The following CD36 variants were observed in gnomAD, a reference collection of about 807,000 sequenced individuals.
The protein encoded by CD36 is CD36 molecule (CD36 blood group), also known as platelet glycoprotein 4.
CD36 carries 119 observed loss-of-function variants against 55.2 expected under a neutral mutation model. The observed-to-expected ratio is 2.15, with a 90% confidence interval of 1.86 to 2.51. The LOEUF (loss-of-function observed/expected upper bound fraction) is 2.51, where lower values mean the gene tolerates loss of function less well. CD36 is among the 30% of genes most tolerant of loss of function. CD36 has a pLI of 0.00. For synonymous variants in CD36, 186 were observed against 193.6 expected, an observed-to-expected ratio of 0.96 and a Z score of 0.33; for missense variants, 819 against 555.5, an observed-to-expected ratio of 1.47 and a Z score of -4.77.
In CD36 at chr7:80,662,980, G is replaced by A; in HGVS notation, c.430-10G>A. ...TATTCTTGTCTTAAACAGTGACTTT[G>A]TTTTTGTAGGCTGCATCCCATATCT... On this transcript the variant is annotated splice_polypyrimidine_tract_variant and intron_variant, in intron 5 of 14. Transcript: ENST00000447544. 1 of 1,604,226 alleles carries A rather than the reference G, an allele frequency of 6.2e-7. No homozygotes were observed. Among genetic ancestry groups the A allele is most frequent in the South Asian group, 1.1e-5 (1 of 90,762 alleles).
chr7:80,638,421 A>C (rs180875189), upstream of CD36: 1 of 151,270 alleles, frequency 6.6e-6, no homozygotes, highest in South Asian at 2.1e-4. Flanking sequence ...AAAATGCTGA[A>C]TATCTCAGAT....
intron 1 of CD36, among the ~76,000 whole-genome samples, chr7:80,606,981 T>C (rs1161862793): frequency 6.6e-6 from 1 of 152,156 alleles, no homozygotes. Context: ...AGCTCTGTTA[T>C]AATCATTCAA....
At chr7:80,646,970 C>A (rs9282633) in intron 3 of CD36, 110 bp downstream of exon 3, 2 of 1,224,384 alleles carry the variant, frequency 1.6e-6, no homozygotes, top group African/African-American at 1.5e-5. Flanking sequence ...AATTTTGTAT[C>A]TTTGACATAA....
chr7:80,644,210 C>T (rs906697282), intron 1 of CD36, among the ~76,000 whole-genome samples: 10 of 152,092 alleles, frequency 6.6e-5, no homozygotes, highest in Admixed American at 3.9e-4. Flanking sequence ...GCATGGTATA[C>T]GATTTCCAAG....
chr7:80,604,517 T>C (rs1171093035), intron 1 of CD36, among the ~76,000 whole-genome samples: 2 of 151,654 alleles, frequency 1.3e-5, no homozygotes, highest in African/African-American at 4.8e-5. Context: ...GATACGTGCT[T>C]GTTGGTACCC....
chr7:80,646,753 C>A lies in CD36; in HGVS notation c.13C>A (p.Arg5=). The A allele has an allele frequency of 1.2e-6, 2 of 1,613,910 alleles. No individual in the cohort carries two copies. The highest frequency in any genetic ancestry group is 2.2e-5 in the East Asian group (1 of 44,862). The change falls in exon 3 of 15, where the codon CGG becomes AGG. Residue 5 remains arginine (R), a synonymous_variant. Transcript: ENST00000447544. The part of the protein sequence containing the change: MGCD[R]NCGLIAGAVI... ...CTGAACAAGAAAAATGGGCTGTGAC[C>A]GGAACTGTGGGCTCATCGCTGGGGC...
At chr7:80,664,685 G>C (rs1442059909) in intron 7 of CD36, among the ~76,000 whole-genome samples, 188 bp downstream of exon 7, 1 of 152,070 alleles carries the variant, frequency 6.6e-6, no homozygotes, top group Non-Finnish European at 1.5e-5. Flanking sequence ...GTTCACACCA[G>C]TGCATAGCTG....
At chr7:80,607,574 T>A (rs1562766305) in intron 1 of CD36, among the ~76,000 whole-genome samples, 1 of 152,110 alleles carries the variant, frequency 6.6e-6, no homozygotes, top group Non-Finnish European at 1.5e-5. Context: ...TCTGCAGATT[T>A]TCTAGGTTCC....
intron 1 of CD36, among the ~76,000 whole-genome samples, chr7:80,640,892 A>G (rs1794765166): frequency 6.6e-6 from 1 of 152,130 alleles, no homozygotes; most frequent in Non-Finnish European, 1.5e-5. Flanking sequence ...ATTTTATATT[A>G]CAGATGTCTA....
chr7:80,671,925 GA>G lies in CD36; in HGVS notation c.1011del (p.Arg337SerfsTer24). The G allele has an allele frequency of 6.2e-7, 1 of 1,611,076 alleles. No individual in the cohort carries two copies. Among genetic ancestry groups the G allele is most frequent in the Non-Finnish European group, 8.5e-7 (1 of 1,178,020 alleles). On this transcript the variant is annotated frameshift_variant, in exon 11 of 15. Coordinates refer to ENST00000447544, the MANE Select transcript of CD36 (RefSeq NM_001001548.3). LOFTEE classifies it high-confidence loss of function. ...VLDISKCKEG[R>X]PVYISLPHFL... Reference sequence around the variant, plus strand: ...GACTCTTAAAACTTGTCTTCAGGGAGACCTGTGTACATTTCACTTCCTCATT... The same window carrying G: ...GACTCTTAAAACTTGTCTTCAGGGAGCCTGTGTACATTTCACTTCCTCATT...
At position 80,672,805 on chromosome 7, in the gene CD36, G is replaced by A. The variant is rs200902303; in HGVS notation, c.1161G>A (p.Leu387=). 10 of 1,610,952 alleles carry A rather than the reference G, an allele frequency of 6.2e-6. No homozygotes were observed. Among genetic ancestry groups the A allele is most frequent in the Non-Finnish European group, 7.6e-6 (9 of 1,178,202 alleles). The part of the protein sequence containing the change: ...TGFTLQFAKR[L]QVNLLVKPSE... ...TCACTTTACAATTTGCAAAACGGCT[G>A]CAGGTCAACCTATTGGTCAAGCCAT... Residue 387 remains leucine, a synonymous_variant, in exon 12 of 15, where the codon CTG becomes CTA. Coordinates refer to ENST00000447544, the MANE Select transcript of CD36 (RefSeq NM_001001548.3).
intron 1 of CD36, chr7:80,639,900 G>T (rs1794696529): frequency 6.6e-6 from 1 of 152,000 alleles, no homozygotes; most frequent in Admixed American, 6.6e-5. Flanking sequence ...TAATGGGTTA[G>T]CCTGGGAAGA....
chr7:80,653,140 T>G (rs1346723823), intron 3 of CD36, among the ~76,000 whole-genome samples: 3 of 152,150 alleles, frequency 2.0e-5, no homozygotes, highest in African/African-American at 7.2e-5. Flanking sequence ...CAGTCTATGC[T>G]TTAGGGAAGA....
upstream of CD36, among the ~76,000 whole-genome samples, chr7:80,637,908 CTT>C (rs3044686): frequency 2.9e-3 from 419 of 144,650 alleles, 1 homozygote; most frequent in Middle Eastern, 7.4e-3. Flanking sequence ...CAACATAATG[CTT>C]TTTTTTTTTT....
At chr7:80,672,134 A>C in intron 11 of CD36, 94 bp downstream of exon 11, 2 of 1,044,510 alleles carry the variant, frequency 1.9e-6, no homozygotes, top group Non-Finnish European at 2.9e-6. Flanking sequence ...TATTCAATAA[A>C]TAATCATATT....
chr7:80,631,555 AT>A (rs5885185), intron 1 of CD36, among the ~76,000 whole-genome samples: 207 of 146,842 alleles, frequency 1.4e-3, no homozygotes, highest in South Asian at 3.4e-3. Flanking sequence ...TAAGTTTGCA[AT>A]TTTTTTTTTT....
intron 5 of CD36, among the ~76,000 whole-genome samples, chr7:80,662,097 A>G (rs1344889852): frequency 2.6e-5 from 4 of 152,192 alleles, no homozygotes; most frequent in African/African-American, 9.6e-5. Flanking sequence ...ACAAAATCCT[A>G]AAAAGTATAT....
At chr7:80,670,394 C>A (rs1447241689) in intron 9 of CD36, 3 of 277,578 alleles carry the variant, frequency 1.1e-5, no homozygotes, top group African/African-American at 6.7e-5. Flanking sequence ...GAGCCTTTAC[C>A]ACTACCCTTG....
intron 3 of CD36, chr7:80,647,320 T>A (rs1795246834): frequency 5.8e-6 from 1 of 171,762 alleles, no homozygotes; most frequent in South Asian, 1.3e-4. Context: ...CCTTATTAAA[T>A]TGTAGGTAAA....
Sources: gnomAD v4.1 joint callset for allele counts (sites outside exome capture counted in the v4.1 genomes callset) on GRCh38, gnomAD v4.1.1 for gene constraint, MANE v1.5 for transcripts, NCBI Gene and HGNC (gene_info 2026-07-23, HGNC 2026-07-21) for gene names.